The following CYBB variants were observed in gnomAD, a reference collection of about 807,000 sequenced individuals.
CYBB encodes NADPH oxidase 2.
CYBB carries 5 observed loss-of-function variants against 46.5 expected under a neutral mutation model. The ratio of observed to expected loss-of-function variants is 0.11; its 90% CI spans 0.06 to 0.23. The LOEUF (loss-of-function observed/expected upper bound fraction) is 0.23. Ranked by LOEUF, CYBB falls within the 10% of genes least tolerant of loss-of-function variation. CYBB has a pLI of 1.00. For missense variants in CYBB, 307 were observed against 428.3 expected, an observed-to-expected ratio of 0.72 and a Z score of 2.50; for synonymous variants, 183 against 156.7, an observed-to-expected ratio of 1.17 and a Z score of -1.26.
chrX:37,804,059 C>T lies in CYBB; in HGVS notation c.1080C>T (p.Asp360=). 10 of 1,210,860 alleles carry T rather than the reference C, an allele frequency of 8.3e-6. No individual in the cohort carries two copies. The highest frequency in any genetic ancestry group is 1.1e-5 in the Non-Finnish European group (10 of 894,886). The change falls in exon 9 of 13, where the codon GAC becomes GAT. Residue 360 remains aspartate, a synonymous_variant. Coordinates refer to ENST00000378588, the MANE Select transcript of CYBB (RefSeq NM_000397.4). ...FFSIHIRIVG[D]WTEGLFNACG... ...GTATCCATATCCGCATCGTTGGGGACTGGACAGAGGGGCTGTTCAATGCTT... is the reference window on the plus strand; with the variant it reads ...GTATCCATATCCGCATCGTTGGGGATTGGACAGAGGGGCTGTTCAATGCTT...
Position 37,782,102 on chromosome X carries a change from G to T in CYBB, c.60G>T (p.Gly20=). ...TGTTTGTGCAGCTGGTTTGGCTGGG[G>T]TTGAACGTCTTCCTCTTTGTCTGGT... ...LSIFVILVWL[G]LNVFLFVWYY... is the part of the protein sequence containing the mutation. Residue 20 remains glycine, a synonymous_variant, in exon 2 of 13, where the codon GGG becomes GGT. Coordinates refer to ENST00000378588, the MANE Select transcript of CYBB (RefSeq NM_000397.4). 8.3e-7 allele frequency: 1 copy of T among 1,209,480 alleles called. No individual in the cohort carries two copies. The highest frequency in any genetic ancestry group is 1.1e-6 in the Non-Finnish European group (1 of 893,477).
At chrX:37,809,217 AAC>A (rs1187119802) in intron 11 of CYBB, among the ~76,000 whole-genome samples, 1 of 112,001 alleles carries the variant, frequency 8.9e-6, no homozygotes, top group East Asian at 2.8e-4. Context: ...CAGAGAGAAA[AAC>A]AGTGAGACAC....
chrX:37,789,521 G>T (rs1424742412), intron 3 of CYBB, among the ~76,000 whole-genome samples: 1 of 81,986 alleles, frequency 1.2e-5, no homozygotes, highest in Non-Finnish European at 2.5e-5. Flanking sequence ...AAGAAAGAAA[G>T]AAAGAAAATA....
In CYBB at chrX:37,796,046, C is replaced by T. The variant is rs1556468353; in HGVS notation, c.579C>T (p.Ser193=). ...GCCTCATATTAATTATCACTTCCTCCACCAAAACCATCCGGAGGTCTTACT... is the reference window on the plus strand; with the variant it reads ...GCCTCATATTAATTATCACTTCCTCTACCAAAACCATCCGGAGGTCTTACT... The part of the protein sequence containing the change: ...TLCLILIITS[S]TKTIRRSYFE... The change falls in exon 6 of 13, where the codon TCC becomes TCT. Residue 193 remains serine (S), a synonymous_variant. Transcript: ENST00000378588. The T allele has an allele frequency of 8.3e-7, 1 of 1,207,852 alleles. No individual in the cohort carries two copies. The highest frequency in any genetic ancestry group is 2.2e-5 in the Admixed American group (1 of 45,923).
At chrX:37,789,203 C>A (rs1456180809) in intron 3 of CYBB, among the ~76,000 whole-genome samples, 2 of 111,346 alleles carry the variant, frequency 1.8e-5, no homozygotes, top group Admixed American at 9.6e-5. Flanking sequence ...ACTTCTAAAC[C>A]CAGATTTAAA....
rs782587393 is a variant in CYBB, at chrX:37,806,896, C to CTCTGTG, written c.1461+364_1461+365insCTGTGT. ...TCTCTCTGTCTCTCTCTCTCTGTCT[C>CTCTGTG]TGTGTGTGTGTGTGTGTGTGTGTAA... On this transcript the variant is annotated intron_variant, in intron 11 of 12. Coordinates refer to ENST00000378588, the MANE Select transcript of CYBB (RefSeq NM_000397.4). 5.7e-3 allele frequency among the ~76,000 whole-genome samples: 608 copies of CTCTGTG among 106,377 alleles called. 4 individuals are homozygous for CTCTGTG. Among genetic ancestry groups the CTCTGTG allele is most frequent in the African/African-American group, 0.02 (587 of 28,808 alleles). 92.4% of individuals were successfully genotyped at this position (106,377 alleles called of 115,157 possible).
chrX:37,804,785 C>T (rs979883746), intron 9 of CYBB, among the ~76,000 whole-genome samples: 2 of 110,839 alleles, frequency 1.8e-5, no homozygotes, highest in East Asian at 2.8e-4. Context: ...TCTGAGTTAC[C>T]GAATGTTTTT....
chrX:37,783,446 T>A (rs376727878), intron 2 of CYBB, 44 bp from the exon 3 acceptor site: 1 of 889,973 alleles, frequency 1.1e-6, no homozygotes. Flanking sequence ...GGGCATATTC[T>A]GTGCTCAAAA....
chrX:37,795,780 AG>A (rs1929286805), intron 5 of CYBB, among the ~76,000 whole-genome samples, 170 bp from the exon 6 acceptor site: 1 of 112,662 alleles, frequency 8.9e-6, no homozygotes. Flanking sequence ...TCTGTCTGTG[AG>A]GGATGATTAG....
chrX:37,790,765 C>A (rs1556466763), intron 3 of CYBB, among the ~76,000 whole-genome samples: 1 of 111,121 alleles, frequency 9.0e-6, no homozygotes, highest in Non-Finnish European at 1.9e-5. Context: ...ATATTAAACA[C>A]CCCTATATTT....
intron 1 of CYBB, among the ~76,000 whole-genome samples, chrX:37,780,441 G>A (rs900195469): frequency 2.7e-5 from 3 of 111,208 alleles, no homozygotes; most frequent in East Asian, 2.8e-4. Flanking sequence ...TTACTCAGAC[G>A]CACATGTCTA....
rs930459198 is a variant in CYBB, at chrX:37,812,367, G to A, written c.*1450G>A. The A allele has an allele frequency of 7.2e-5, 8 of 111,237 alleles. No individual in the cohort carries two copies. The highest frequency in any genetic ancestry group is 1.5e-4 in the Non-Finnish European group (8 of 53,062). The allele number at this position is 111,237 out of a possible 1,213,427, so 9.2% of individuals were successfully genotyped here. A position where few individuals can be genotyped will look rare whatever the true frequency, so the allele number is the denominator to read the frequency against. On this transcript the variant is annotated 3_prime_UTR_variant, in exon 13 of 13. Coordinates refer to ENST00000378588, the MANE Select transcript of CYBB (RefSeq NM_000397.4). ...CAACTTCGGTAATGAGGAAGAAGGA[G>A]AAAGAGCTGGGGGAAGGGCAGAAGA... is the stretch of plus-strand genomic sequence containing the variant.
At chrX:37,807,894 A>G (rs1207454409) in intron 11 of CYBB, among the ~76,000 whole-genome samples, 1 of 111,627 alleles carries the variant, frequency 9.0e-6, no homozygotes, top group Non-Finnish European at 1.9e-5. Flanking sequence ...AATTAAAAAG[A>G]CAGCCCCCCA....
At chrX:37,789,990 A>T (rs969000244) in intron 3 of CYBB, among the ~76,000 whole-genome samples, 2 of 111,719 alleles carry the variant, frequency 1.8e-5, no homozygotes, top group African/African-American at 6.5e-5. Context: ...GCAAGCCTGA[A>T]ATCCCAGGGG....
At chrX:37,801,224 G>T in intron 7 of CYBB, 32 bp from the exon 8 acceptor site, 5 of 1,008,724 alleles carry the variant, frequency 5.0e-6, no homozygotes, top group Non-Finnish European at 7.0e-6. Context: ...ACCACTTAAT[G>T]TATCTCATTT....
intron 11 of CYBB, among the ~76,000 whole-genome samples, chrX:37,808,577 C>CA (rs1210418907): frequency 8.9e-6 from 1 of 112,024 alleles, no homozygotes; most frequent in African/African-American, 3.2e-5. Context: ...ACAGATTCTC[C>CA]AAGTCTTAAA....
In CYBB at chrX:37,783,688, T is replaced by G. The variant is rs186748392; in HGVS notation, c.252+88T>G. The G allele has an allele frequency of 4.4e-5, 26 of 589,312 alleles. No homozygotes were observed. In the South Asian group the frequency reaches 4.7e-4, roughly 11 times the overall value. The allele number at this position is 589,312 out of a possible 1,213,427, so 48.6% of individuals were successfully genotyped here. ...TTTTAGGTAAAAACAAATGAATGAT[T>G]TGGGAGGATTCCAGCTTCTGTAGAA... On this transcript the variant is annotated intron_variant, in intron 3 of 12. Coordinates refer to ENST00000378588, the MANE Select transcript of CYBB (RefSeq NM_000397.4).
intron 1 of CYBB, among the ~76,000 whole-genome samples, chrX:37,780,370 G>A (rs1602173568): frequency 1.8e-5 from 2 of 111,589 alleles, no homozygotes; most frequent in Middle Eastern, 9.3e-3. Flanking sequence ...CCAGCATTTC[G>A]CAGAAGGAGT....
intron 5 of CYBB, 104 bp downstream of exon 5, chrX:37,793,914 G>A (rs1929248842): frequency 6.4e-6 from 5 of 779,188 alleles, no homozygotes; most frequent in South Asian, 2.2e-5. Context: ...AAAAAAAGTT[G>A]GCTAACCATC....
Sources: allele counts gnomAD v4.1 joint callset (sites outside exome capture counted in the v4.1 genomes callset), GRCh38; gene constraint gnomAD v4.1.1; transcripts MANE v1.5; gene names NCBI Gene and HGNC (gene_info 2026-07-23, HGNC 2026-07-21).